Variants in BMPR1B observed in about 807,000 individuals in gnomAD.
BMPR1B encodes the protein bone morphogenetic protein receptor type-1B.
A neutral mutation model predicts 59.1 loss-of-function variants in BMPR1B; 12 were observed. The ratio of observed to expected loss-of-function variants is 0.20; its 90% confidence interval spans 0.13 to 0.33. The LOEUF is 0.33. Ranked by LOEUF, BMPR1B falls within the 10% of genes least tolerant of loss-of-function variation. The probability of loss-of-function intolerance (pLI) is 1.00; values close to 1 mark genes in which losing one functional copy is unlikely to be tolerated. For missense variants in BMPR1B, 550 were observed against 610.9 expected (o/e 0.90, Z 1.05); for synonymous variants, 237 against 207.3 (o/e 1.14, Z -1.23).
intron 2 of BMPR1B, among the ~76,000 whole-genome samples, chr4:94,911,579 A>T (rs1437155654): frequency 6.6e-6 from 1 of 152,134 alleles, no homozygotes; most frequent in Non-Finnish European, 1.5e-5. Context: ...AAATTCAGAA[A>T]ATTTTACTGA....
intron 2 of BMPR1B, among the ~76,000 whole-genome samples, chr4:94,973,668 CTTTGGGCCTCAGT>C (rs1006599506): frequency 1.2e-4 from 19 of 152,154 alleles, no homozygotes; most frequent in African/African-American, 4.6e-4. Flanking sequence ...GAAGTTCTCA[CTTTGGGCCTCAGT>C]TTCAGGCTTT....
intron 5 of BMPR1B, 152 bp from the exon 6 acceptor site, chr4:95,115,533 A>G (rs527788885): frequency 8.5e-6 from 6 of 705,306 alleles, no homozygotes; most frequent in South Asian, 6.9e-5. Flanking sequence ...GAAATAAATT[A>G]CCTTATAGAG....
chr4:95,126,530 A>C (rs879547894), intron 8 of BMPR1B, among the ~76,000 whole-genome samples: 13 of 152,198 alleles, frequency 8.5e-5, no homozygotes, highest in Non-Finnish European at 1.3e-4. Flanking sequence ...ATATCAGTAT[A>C]ACCCTGTATT....
intron 1 of BMPR1B, among the ~76,000 whole-genome samples, chr4:94,771,162 A>G (rs1722172846): frequency 6.6e-6 from 1 of 152,162 alleles, no homozygotes; most frequent in Non-Finnish European, 1.5e-5. Flanking sequence ...CCGAGAGGCT[A>G]CGGTGGTTTT....
chr4:94,759,549 G>A (rs978754521), intron 1 of BMPR1B, among the ~76,000 whole-genome samples: 3 of 152,134 alleles, frequency 2.0e-5, no homozygotes, highest in Admixed American at 2.0e-4. Context: ...TATTGTTTTG[G>A]GCAAGTTATG....
chr4:94,853,350 A>G (rs1725633774), intron 1 of BMPR1B, among the ~76,000 whole-genome samples: 1 of 152,180 alleles, frequency 6.6e-6, no homozygotes, highest in Admixed American at 6.5e-5. Flanking sequence ...AGCTAAGAAT[A>G]CAAACCACTT....
chr4:95,042,641 G>A (rs9997720), intron 3 of BMPR1B, among the ~76,000 whole-genome samples: 94,027 of 151,970 alleles, frequency 0.62, 29,091 homozygotes, highest in African/African-American at 0.63. Context: ...AAGTACACAC[G>A]TAGTGCCTCA....
intron 10 of BMPR1B, among the ~76,000 whole-genome samples, 160 bp from the exon 11 acceptor site, chr4:95,148,588 A>G (rs1156260334): frequency 6.6e-6 from 1 of 152,176 alleles, no homozygotes; most frequent in African/African-American, 2.4e-5. Flanking sequence ...TATTTAATAT[A>G]GCTTTTGGCA....
intron 3 of BMPR1B, among the ~76,000 whole-genome samples, chr4:95,001,788 T>C (rs1722467644): frequency 6.6e-6 from 1 of 152,132 alleles, no homozygotes; most frequent in African/African-American, 2.4e-5. Flanking sequence ...ATCGAAGACG[T>C]AGAGGGGGGC....
chr4:95,013,735 C>G (rs961346535), intron 3 of BMPR1B, among the ~76,000 whole-genome samples: 2 of 146,622 alleles, frequency 1.4e-5, no homozygotes, highest in Non-Finnish European at 1.6e-5. Context: ...GTCTAGATGT[C>G]TGTTTCACTT....
chr4:94,937,707 A>AAC (rs67140382), intron 2 of BMPR1B, among the ~76,000 whole-genome samples: 1 of 151,196 alleles, frequency 6.6e-6, no homozygotes, highest in Admixed American at 6.6e-5. Flanking sequence ...TATATGTATA[A>AAC]ACACACACAC....
Position 95,124,005 on chromosome 4 carries a change from A to G in BMPR1B, c.446+99A>G, listed in dbSNP as rs376443914. On this transcript the variant is annotated intron_variant, in intron 7 of 12. Coordinates refer to ENST00000515059, the MANE Select transcript of BMPR1B (RefSeq NM_001203.3). ...TGTTAGTGTTTCTCACCACAGCTTT[A>G]TTTATCTTAATTAGATCTTATAGTT... is the stretch of plus-strand genomic sequence containing the variant. 1,001 of 778,712 alleles carry G rather than the reference A, an allele frequency of 1.3e-3. 7 individuals carry two copies. The African/African-American group carries it at 0.015, about 12-fold the overall frequency. The allele number at this position is 778,712 out of a possible 1,614,324, so 48.2% of individuals were successfully genotyped here.
At chr4:95,009,602 T>A (rs1437864564) in intron 3 of BMPR1B, among the ~76,000 whole-genome samples, 7 of 152,158 alleles carry the variant, frequency 4.6e-5, no homozygotes, top group Non-Finnish European at 1.0e-4. Context: ...GTTGGCTTCA[T>A]GGAATTGAGA....
Position 95,071,650 on chromosome 4 carries a change from GTGTATATA to G in BMPR1B, c.-17-32756_-17-32749del, listed in dbSNP as rs774595499. 1.6e-3 allele frequency among the ~76,000 whole-genome samples: 123 copies of G among 78,448 alleles called. 1 individual carries two copies. Among genetic ancestry groups the G allele is most frequent in the Middle Eastern group, 8.8e-3 (1 of 114 alleles). 51.5% of individuals were successfully genotyped at this position (78,448 alleles called of 152,430 possible). A position where few individuals can be genotyped will look rare whatever the true frequency, so the allele number is the denominator to read the frequency against. On this transcript the variant is annotated intron_variant, in intron 3 of 12. Coordinates refer to ENST00000515059, the MANE Select transcript of BMPR1B (RefSeq NM_001203.3). The stretch of plus-strand genomic sequence containing the variant: ...TGTGTGTTTGTGTGTGTGTGTGTGT[GTGTATATA>G]TATATATATATATATATATATATGA...
chr4:95,051,825 T>C, intron 3 of BMPR1B: 1 of 1,504,166 alleles, frequency 6.6e-7, no homozygotes, highest in Non-Finnish European at 8.9e-7. Context: ...AGTTAGAGTC[T>C]GATTTCGTGG....
chr4:95,091,771 CT>C, intron 3 of BMPR1B: 1 of 731,436 alleles, frequency 1.4e-6, no homozygotes. Context: ...GTGAAATAGA[CT>C]AATTCAAGGG....
intron 3 of BMPR1B, among the ~76,000 whole-genome samples, chr4:95,084,058 A>G (rs1385544681): frequency 1.3e-5 from 2 of 152,026 alleles, no homozygotes; most frequent in Non-Finnish European, 2.9e-5. Flanking sequence ...TCCCTTCCTC[A>G]GTAAAGTCAC....
chr4:95,120,369 G>A lies in BMPR1B; in HGVS notation c.350-3441G>A, dbSNP rs569108793. Among the ~76,000 whole-genome samples, 3 of 152,234 alleles carry A rather than the reference G, an allele frequency of 2.0e-5. No individual in the cohort carries two copies. In the South Asian group the frequency reaches 6.2e-4, roughly 32 times the overall value. ...CTTTTTGGCATATTCCTTTGGATATGTATACAGCATCACTCCTATTCAGCA... is the reference window on the plus strand; with the variant it reads ...CTTTTTGGCATATTCCTTTGGATATATATACAGCATCACTCCTATTCAGCA... On this transcript the variant is annotated intron_variant, in intron 6 of 12. Transcript: ENST00000515059.
At chr4:94,955,508 C>T (rs1730106691) in intron 2 of BMPR1B, among the ~76,000 whole-genome samples, 1 of 152,016 alleles carries the variant, frequency 6.6e-6, no homozygotes, top group Admixed American at 6.6e-5. Context: ...TGGACTGGAC[C>T]TTCAGTCAGT....
Sources: gnomAD v4.1 joint callset for allele counts (sites outside exome capture counted in the v4.1 genomes callset) on GRCh38, gnomAD v4.1.1 for gene constraint, MANE v1.5 for transcripts, NCBI Gene and HGNC (gene_info 2026-07-23, HGNC 2026-07-21) for gene names.